The following GXYLT2 variants were observed in gnomAD, a reference collection of about 807,000 sequenced individuals.
GXYLT2 encodes the protein glycosyltransferase 8 domain containing 4.
GXYLT2 carries 53 observed loss-of-function variants against 45.8 expected under a neutral mutation model. That is an observed-to-expected ratio of 1.16 (90% confidence interval 0.93 to 1.46). The LOEUF is 1.46. Ranked by LOEUF, GXYLT2 falls within the 40% of genes most tolerant of loss-of-function variation. The probability of loss-of-function intolerance (pLI) is 0.00; values close to 1 mark genes in which losing one functional copy is unlikely to be tolerated. For synonymous variants in GXYLT2, 219 were observed against 214.2 expected (o/e 1.02, Z -0.19); for missense variants, 551 against 544.4 (o/e 1.01, Z -0.12).
chr3:72,966,136 G>C (rs1710860963), intron 5 of GXYLT2, among the ~76,000 whole-genome samples: 1 of 151,834 alleles, frequency 6.6e-6, no homozygotes, highest in Non-Finnish European at 1.5e-5. Flanking sequence ...CTGCCTCCAT[G>C]CCTGGCTAAT....
intron 4 of GXYLT2, among the ~76,000 whole-genome samples, chr3:72,956,672 C>T (rs1305662767): frequency 6.6e-6 from 1 of 151,864 alleles, no homozygotes; most frequent in South Asian, 2.1e-4. Context: ...GTGGGTCACT[C>T]GAGGTCAGGA....
At chr3:72,902,690 A>AAAAT (rs1709430547) in intron 1 of GXYLT2, among the ~76,000 whole-genome samples, 1 of 148,372 alleles carries the variant, frequency 6.7e-6, no homozygotes, top group African/African-American at 2.6e-5. Flanking sequence ...ATAAATAAAT[A>AAAAT]AAATAAATAA....
At chr3:72,923,741 G>A (rs544819556) in intron 3 of GXYLT2, among the ~76,000 whole-genome samples, 1 of 152,326 alleles carries the variant, frequency 6.6e-6, no homozygotes, top group African/African-American at 2.4e-5. Context: ...ATGGATGTAT[G>A]TAACATGGGG....
At chr3:72,929,588 C>T (rs1273397857) in intron 3 of GXYLT2, 23 of 1,060,838 alleles carry the variant, frequency 2.2e-5, no homozygotes, top group Admixed American at 8.5e-5. Context: ...ACAGTGATAA[C>T]GAAAGCTAAG....
At chr3:72,902,294 T>A (rs1487934531) in intron 1 of GXYLT2, among the ~76,000 whole-genome samples, 1 of 152,200 alleles carries the variant, frequency 6.6e-6, no homozygotes, top group Non-Finnish European at 1.5e-5. Context: ...CAGTTTCTAA[T>A]CCCACCAGCA....
intron 3 of GXYLT2, among the ~76,000 whole-genome samples, chr3:72,954,883 C>G (rs1258788219): frequency 1.3e-5 from 2 of 152,136 alleles, no homozygotes; most frequent in Non-Finnish European, 2.9e-5. Flanking sequence ...GATTTATCTT[C>G]TTTTAAGTCT....
intron 5 of GXYLT2, among the ~76,000 whole-genome samples, chr3:72,966,144 A>G (rs1018038438): frequency 2.0e-5 from 3 of 151,690 alleles, no homozygotes; most frequent in Non-Finnish European, 2.9e-5. Context: ...ATGCCTGGCT[A>G]ATGTTTGTAT....
chr3:72,961,212 A>G (rs17691949), intron 5 of GXYLT2, among the ~76,000 whole-genome samples: 11,113 of 152,222 alleles, frequency 0.073, 436 homozygotes, highest in Admixed American at 0.099. Context: ...TCACACTCTT[A>G]AAGGTGAGTC....
intron 3 of GXYLT2, among the ~76,000 whole-genome samples, chr3:72,922,802 A>G (rs182399915): frequency 2.6e-5 from 4 of 152,268 alleles, no homozygotes; most frequent in Non-Finnish European, 5.9e-5. Flanking sequence ...TGAATTTTTA[A>G]ATTGCATGTT....
chr3:72,924,383 G>C (rs1709881732), intron 3 of GXYLT2, among the ~76,000 whole-genome samples: 1 of 151,814 alleles, frequency 6.6e-6, no homozygotes, highest in Non-Finnish European at 1.5e-5. Context: ...TTGTAGAGAT[G>C]ATGTCTTGCT....
At chr3:72,899,813 C>T (rs1327479879) in intron 1 of GXYLT2, among the ~76,000 whole-genome samples, 2 of 152,164 alleles carry the variant, frequency 1.3e-5, no homozygotes, top group Non-Finnish European at 2.9e-5. Flanking sequence ...GGGAGGGGGA[C>T]ATCACTAATC....
intron 3 of GXYLT2, among the ~76,000 whole-genome samples, chr3:72,933,801 C>G (rs1710123621): frequency 6.6e-6 from 1 of 152,020 alleles, no homozygotes; most frequent in African/African-American, 2.4e-5. Context: ...CCTGGGGGGG[C>G]CGAGCTTGGA....
chr3:72,923,584 T>G (rs1324466878), intron 3 of GXYLT2, among the ~76,000 whole-genome samples: 1 of 152,226 alleles, frequency 6.6e-6, no homozygotes, highest in African/African-American at 2.4e-5. Context: ...AGACATTTGT[T>G]GAGTGCCCAC....
At chr3:72,970,418 T>G (rs761262880) in intron 6 of GXYLT2, among the ~76,000 whole-genome samples, 2 of 150,766 alleles carry the variant, frequency 1.3e-5, no homozygotes, top group Non-Finnish European at 3.0e-5. Context: ...ATCCCAGCAC[T>G]TTGGAGGCTG....
intron 3 of GXYLT2, among the ~76,000 whole-genome samples, chr3:72,929,812 A>G (rs1709993854): frequency 1.3e-5 from 2 of 152,258 alleles, no homozygotes; most frequent in Middle Eastern, 3.2e-3. Flanking sequence ...AATGGCAGAC[A>G]TAAATTCGAC....
intron 3 of GXYLT2, among the ~76,000 whole-genome samples, chr3:72,952,096 G>T (rs564450493): frequency 6.6e-6 from 1 of 150,990 alleles, no homozygotes; most frequent in Admixed American, 6.6e-5. Flanking sequence ...CTCACCTCCC[G>T]GGCTCAAGCA....
At chr3:72,912,649 C>T (rs983828295) in intron 2 of GXYLT2, among the ~76,000 whole-genome samples, 1 of 152,166 alleles carries the variant, frequency 6.6e-6, no homozygotes, top group Non-Finnish European at 1.5e-5. Flanking sequence ...TGTGAGGATG[C>T]CTGCCCCTGA....
intron 6 of GXYLT2, among the ~76,000 whole-genome samples, chr3:72,970,930 CT>C (rs1316976591): frequency 6.6e-6 from 1 of 152,200 alleles, no homozygotes; most frequent in Non-Finnish European, 1.5e-5. Flanking sequence ...TGCATCCAAG[CT>C]TTTCCTTCTG....
At chr3:72,901,773 C>T (rs929086933) in intron 1 of GXYLT2, among the ~76,000 whole-genome samples, 3 of 151,772 alleles carry the variant, frequency 2.0e-5, no homozygotes, top group Non-Finnish European at 4.4e-5. Flanking sequence ...GTTGGTCAGG[C>T]TGGTCTCAAA....
Sources: allele counts gnomAD v4.1 joint callset (sites outside exome capture counted in the v4.1 genomes callset), GRCh38; gene constraint gnomAD v4.1.1; transcripts MANE v1.5; gene names NCBI Gene and HGNC (gene_info 2026-07-23, HGNC 2026-07-21).